PLEKHG7: variants seen among roughly 807,000 people sequenced by gnomAD.
PLEKHG7 encodes the protein pleckstrin homology domain-containing family G member 7.
In PLEKHG7, 77 loss-of-function variants were observed where a neutral mutation model predicts 85.2. That is an observed-to-expected ratio of 0.90 (90% CI 0.75 to 1.09). The LOEUF is 1.09. Among genes scored for constraint, PLEKHG7 ranks in the 50% least tolerant of loss-of-function variants. The pLI, the probability that PLEKHG7 is intolerant of heterozygous loss-of-function variation, is 0.00. For missense variants in PLEKHG7, 777 were observed against 804.3 expected, an observed-to-expected ratio of 0.97 and a Z score of 0.41; for synonymous variants, 301 against 302.4, an observed-to-expected ratio of 1.00 and a Z score of 0.05.
At chr12:92,763,392 G>A (rs914799850) in intron 14 of PLEKHG7, among the ~76,000 whole-genome samples, 5 of 152,054 alleles carry the variant, frequency 3.3e-5, no homozygotes, top group Admixed American at 6.5e-5. Context: ...CTCATTCATC[G>A]AACTCAATAC....
At chr12:92,716,257 C>T (rs964403081) in intron 3 of PLEKHG7, among the ~76,000 whole-genome samples, 5 of 151,992 alleles carry the variant, frequency 3.3e-5, no homozygotes, top group South Asian at 2.1e-4. Context: ...CCACCACACC[C>T]GGCTAATTTT....
chr12:92,724,297 CA>C (rs1359906161), intron 3 of PLEKHG7, among the ~76,000 whole-genome samples: 2 of 152,156 alleles, frequency 1.3e-5, no homozygotes, highest in Non-Finnish European at 2.9e-5. Flanking sequence ...TTAACTTTCT[CA>C]ACTCCCACCT....
At chr12:92,715,021 TA>T (rs1791277037) in intron 3 of PLEKHG7, among the ~76,000 whole-genome samples, 4 of 54,700 alleles carry the variant, frequency 7.3e-5, no homozygotes, top group Admixed American at 5.6e-4. Context: ...ACTAATGGGA[TA>T]GATAGATAGA....
intron 13 of PLEKHG7, among the ~76,000 whole-genome samples, chr12:92,761,187 G>GCATA (rs1872978547): frequency 6.6e-6 from 1 of 152,152 alleles, no homozygotes. Context: ...TGACACAATA[G>GCATA]CATAATTCAT....
intron 4 of PLEKHG7, among the ~76,000 whole-genome samples, chr12:92,730,001 T>A (rs1871936529): frequency 6.6e-6 from 1 of 152,060 alleles, no homozygotes; most frequent in Non-Finnish European, 1.5e-5. Context: ...AGCTGGTTTG[T>A]GCAGAGAAAT....
chr12:92,753,354 A>G (rs1592685941), intron 10 of PLEKHG7, among the ~76,000 whole-genome samples: 1 of 152,336 alleles, frequency 6.6e-6, no homozygotes, highest in East Asian at 1.9e-4. Flanking sequence ...AGCACAGCAG[A>G]TAAAACAAGC....
intron 7 of PLEKHG7, among the ~76,000 whole-genome samples, chr12:92,739,610 T>C (rs1311879378): frequency 6.6e-6 from 1 of 152,236 alleles, no homozygotes; most frequent in Non-Finnish European, 1.5e-5. Flanking sequence ...TCAGTGTATT[T>C]AAAGTATATA....
chr12:92,716,081 TTTTTGTTTTG>T (rs150207306), intron 3 of PLEKHG7, among the ~76,000 whole-genome samples: 5,277 of 151,732 alleles, frequency 0.035, 113 homozygotes, highest in Middle Eastern at 0.085. Flanking sequence ...TTTTGGGGTT[TTTTTGTTTTG>T]TTTTGTTTTG....
intron 3 of PLEKHG7, chr12:92,707,988 A>T (rs972927640): frequency 1.4e-5 from 6 of 420,236 alleles, no homozygotes; most frequent in African/African-American, 1.0e-4. Context: ...GAGAAAATAG[A>T]AAGGCCAGAG....
At chr12:92,746,329 C>A (rs1872532099) in intron 10 of PLEKHG7, among the ~76,000 whole-genome samples, 1 of 152,238 alleles carries the variant, frequency 6.6e-6, no homozygotes, top group Non-Finnish European at 1.5e-5. Context: ...AGCATGACCT[C>A]AGAGGCTTGG....
At chr12:92,711,485 C>T (rs1210918732) in intron 3 of PLEKHG7, among the ~76,000 whole-genome samples, 1 of 152,206 alleles carries the variant, frequency 6.6e-6, no homozygotes, top group East Asian at 1.9e-4. Context: ...TGCTGCTATG[C>T]ATGACCCACT....
In PLEKHG7 at chr12:92,754,076, T is replaced by C. The variant is rs1872758959; in HGVS notation, c.1252-14T>C. On this transcript the variant is annotated splice_polypyrimidine_tract_variant and intron_variant, in intron 10 of 16. Coordinates refer to ENST00000344636, the MANE Select transcript of PLEKHG7 (RefSeq NM_001377329.1). Reference sequence around the variant, plus strand: ...AGGTGATCATTCTGATATGGCTGCTTTTGCCTTCCCCAGTGGTGTGAGCAG... The same window carrying C: ...AGGTGATCATTCTGATATGGCTGCTCTTGCCTTCCCCAGTGGTGTGAGCAG... 6.2e-7 allele frequency: 1 copy of C among 1,609,362 alleles called. No individual in the cohort carries two copies. The highest frequency in any genetic ancestry group is 8.5e-7 in the Non-Finnish European group (1 of 1,176,458).
chr12:92,725,294 A>G (rs1432490263), intron 3 of PLEKHG7, among the ~76,000 whole-genome samples: 1 of 152,162 alleles, frequency 6.6e-6, no homozygotes, highest in Non-Finnish European at 1.5e-5. Context: ...AATATCAGGC[A>G]GGTAAATGGA....
In PLEKHG7 at chr12:92,707,151, T is replaced by C. The variant is rs543750038; in HGVS notation, c.507+13T>C. 5 of 1,602,206 alleles carry C rather than the reference T, an allele frequency of 3.1e-6. No individual in the cohort carries two copies. In the African/African-American group the frequency reaches 6.7e-5, roughly 21 times the overall value. ...CCCTAGTCCTCAGGTAACACAGCTCTAAGCCTCCGGCCTCTCAGTTGCTGA... is the reference window on the plus strand; with the variant it reads ...CCCTAGTCCTCAGGTAACACAGCTCCAAGCCTCCGGCCTCTCAGTTGCTGA... On this transcript the variant is annotated intron_variant, in intron 2 of 16. Coordinates refer to ENST00000344636, the MANE Select transcript of PLEKHG7 (RefSeq NM_001377329.1).
chr12:92,723,737 C>T (rs1871710941), intron 3 of PLEKHG7, among the ~76,000 whole-genome samples: 1 of 152,126 alleles, frequency 6.6e-6, no homozygotes, highest in Non-Finnish European at 1.5e-5. Context: ...TTTGACCCCA[C>T]ATTCTTAACC....
rs553835577 is a variant in PLEKHG7, at chr12:92,756,844, T to C, written c.1636+453T>C. Among the ~76,000 whole-genome samples, 4 of 152,314 alleles carry C rather than the reference T, an allele frequency of 2.6e-5. No homozygotes were observed. In the South Asian group the frequency reaches 8.3e-4, roughly 32 times the overall value. ...TATAAAAACTCATTCTGTATAATTC[T>C]TTCCCTCTAGTTGGGAAGCTCTGCC... On this transcript the variant is annotated intron_variant, in intron 13 of 16. Coordinates refer to ENST00000344636, the MANE Select transcript of PLEKHG7 (RefSeq NM_001377329.1).
At chr12:92,708,537 A>C (rs1266544664) in intron 3 of PLEKHG7, 1 of 152,224 alleles carries the variant, frequency 6.6e-6, no homozygotes, top group African/African-American at 2.4e-5. Context: ...ATAAAAAACC[A>C]CTTAAAGTAA....
intron 13 of PLEKHG7, among the ~76,000 whole-genome samples, chr12:92,756,766 G>A (rs1395578946): frequency 5.9e-5 from 9 of 152,188 alleles, no homozygotes; most frequent in Admixed American, 2.6e-4. Flanking sequence ...TGTTTATGGA[G>A]ACTCTATTAT....
intron 5 of PLEKHG7, 78 bp from the exon 6 acceptor site, chr12:92,736,403 GA>G: frequency 1.1e-6 from 1 of 892,936 alleles, no homozygotes; most frequent in Non-Finnish European, 1.5e-6. Flanking sequence ...GGGAATGAAC[GA>G]AAGATGCCAA....
Sources: gnomAD v4.1 joint callset for allele counts (sites outside exome capture counted in the v4.1 genomes callset) on GRCh38, gnomAD v4.1.1 for gene constraint, MANE v1.5 for transcripts, NCBI Gene and HGNC (gene_info 2026-07-23, HGNC 2026-07-21) for gene names.